SIGLEC14: variants seen among roughly 807,000 people sequenced by gnomAD.
The protein encoded by SIGLEC14 is sialic acid-binding Ig-like lectin 14.
A neutral mutation model predicts 34.2 loss-of-function variants in SIGLEC14; 11 were observed. The ratio of observed to expected loss-of-function variants is 0.32; its 90% CI spans 0.20 to 0.53. The LOEUF (loss-of-function observed/expected upper bound fraction) is 0.53, where lower values mean the gene tolerates loss of function less well. Ranked by LOEUF, SIGLEC14 falls within the 20% of genes least tolerant of loss-of-function variation. The probability of loss-of-function intolerance (pLI) is 0.95; values close to 1 mark genes in which losing one functional copy is unlikely to be tolerated. For missense variants in SIGLEC14, 264 were observed against 439.0 expected (o/e 0.60, Z 3.56); for synonymous variants, 99 against 179.7 (o/e 0.55, Z 3.59).
chr19:51,646,177 C>T (rs1394796138), intron 2 of SIGLEC14, 80 bp downstream of exon 2: 16 of 1,208,550 alleles, frequency 1.3e-5, no homozygotes, highest in Non-Finnish European at 1.8e-5. Context: ...CTCCTCCAGC[C>T]GCCCCTGCCC....
rs1984011779 is a variant in SIGLEC14, at chr19:51,645,466, G to C, written c.754+11C>G. ...CCATCACAGCCCCAGAGGGAAGAGG[G>C]TCTTTCCTACCTGTGCCTGTGCCAT... On this transcript the variant is annotated intron_variant, in intron 4 of 6. Transcript: ENST00000360844. 2 of 1,526,434 alleles carry C rather than the reference G, an allele frequency of 1.3e-6. 1 individual carries two copies. Among genetic ancestry groups the C allele is most frequent in the Admixed American group, 3.5e-5 (2 of 57,876 alleles). The allele number at this position is 1,526,434 out of a possible 1,614,324, so 94.6% of individuals were successfully genotyped here. A position where few individuals can be genotyped will look rare whatever the true frequency, so the allele number is the denominator to read the frequency against.
At position 51,642,449 on chromosome 19, in the gene SIGLEC14, T is replaced by C. The variant is rs1315741681; in HGVS notation, c.*906A>G. ...CTGGGAGGCAGAAGTTGCAGTGAGC[T>C]GAGATTTTGCCATTGCACTCCAGCC... is the stretch of plus-strand genomic sequence containing the variant. On this transcript the variant is annotated 3_prime_UTR_variant, in exon 7 of 7. Transcript: ENST00000360844. The C allele has an allele frequency of 7.4e-6, 1 of 135,970 alleles. No individual in the cohort carries two copies. The highest frequency in any genetic ancestry group is 1.6e-5 in the Non-Finnish European group (1 of 64,222). The allele number at this position is 135,970 out of a possible 1,614,324, so 8.4% of individuals were successfully genotyped here.
Position 51,646,303 on chromosome 19 carries a change from A to G in SIGLEC14, c.375T>C (p.Asp125=), listed in dbSNP as rs1233286194. Residue 125 remains aspartate (D), a synonymous_variant, in exon 2 of 7, where the codon GAT becomes GAC. Coordinates refer to ENST00000360844, the MANE Select transcript of SIGLEC14 (RefSeq NM_001098612.3). The part of the protein sequence containing the change: ...SYFFRVERGR[D]VKYSYQQNKL... ...TATTCTGTTGGTAGCTATATTTTACATCCCTTCCTCTCTCCACGCGGAAGA... is the reference window on the plus strand; with the variant it reads ...TATTCTGTTGGTAGCTATATTTTACGTCCCTTCCTCTCTCCACGCGGAAGA... 2.9e-6 allele frequency: 4 copies of G among 1,391,056 alleles called. No individual in the cohort carries two copies. The highest frequency in any genetic ancestry group is 9.5e-7 in the Non-Finnish European group (1 of 1,053,156). The allele number at this position is 1,391,056 out of a possible 1,614,324, so 86.2% of individuals were successfully genotyped here.
In SIGLEC14 at chr19:51,646,244, G is replaced by A. The variant is rs1438390435; in HGVS notation, c.421+13C>T. On this transcript the variant is annotated intron_variant, in intron 2 of 6. Coordinates refer to ENST00000360844, the MANE Select transcript of SIGLEC14 (RefSeq NM_001098612.3). ...CCACGTCCCAGGGTCCTCTCCTAGG[G>A]TTCCTGCCATACCTGTCACCTCCAA... 4 of 1,418,380 alleles carry A rather than the reference G, an allele frequency of 2.8e-6. 1 individual carries two copies. In the African/African-American group the frequency reaches 5.4e-5, roughly 19 times the overall value. The allele number at this position is 1,418,380 out of a possible 1,614,324, so 87.9% of individuals were successfully genotyped here.
chr19:51,640,113 AG>A lies in SIGLEC14; in HGVS notation c.*3241del, dbSNP rs1378626630. Among the ~76,000 whole-genome samples, 1 of 139,542 alleles carries A rather than the reference AG, an allele frequency of 7.2e-6. No individual in the cohort carries two copies. The highest frequency in any genetic ancestry group is 2.7e-5 in the African/African-American group (1 of 36,788). The allele number at this position is 139,542 out of a possible 152,430, so 91.5% of individuals were successfully genotyped here. Reference sequence around the variant, plus strand: ...TTGGAAAATTATCCTTCAAAACGAAAGAGAAGGAGTCGTGCTTTTATTATGA... The same window carrying A: ...TTGGAAAATTATCCTTCAAAACGAAAAGAAGGAGTCGTGCTTTTATTATGA... On this transcript the variant is annotated 3_prime_UTR_variant, in exon 7 of 7. Coordinates refer to ENST00000360844, the MANE Select transcript of SIGLEC14 (RefSeq NM_001098612.3).
At position 51,643,547 on chromosome 19, in the gene SIGLEC14, A is replaced by G. The variant is rs200251231; in HGVS notation, c.1138T>C (p.Tyr380His). The change falls in exon 6 of 7, where the codon TAC (tyrosine) becomes CAC (histidine). Residue 380 changes from tyrosine (Y) to histidine (H), a missense_variant. By Grantham distance (83) the Tyr-to-His change is moderately conservative. This residue lies in a region of SIGLEC14 where 149 missense variants were observed against 184.4 expected (regional missense o/e 0.81). Transcript: ENST00000360844. ...GGCAGTCCGGCTCACCTGGTATAGTAGATCCAGGTGAGGCCATAGGTGAGG... is the reference window on the plus strand; with the variant it reads ...GGCAGTCCGGCTCACCTGGTATAGTGGATCCAGGTGAGGCCATAGGTGAGG... ...FLLTYGLTWI[Y>H]YTRCGGPQQS... 5.5e-4 allele frequency: 839 copies of G among 1,520,646 alleles called. 130 individuals are homozygous for G. Among genetic ancestry groups the G allele is most frequent in the Non-Finnish European group, 6.8e-4 (769 of 1,136,142 alleles). 94.2% of individuals were successfully genotyped at this position (1,520,646 alleles called of 1,614,324 possible). A position where few individuals can be genotyped will look rare whatever the true frequency, so the allele number is the denominator to read the frequency against.
At position 51,642,240 on chromosome 19, in the gene SIGLEC14, C is replaced by A. The variant is rs578013076; in HGVS notation, c.*1115G>T. ...TGTACGATATTAAAAGCAAAAAAAACCCCACCAAAACTGAGAATGAGCTAT... is the reference window on the plus strand; with the variant it reads ...TGTACGATATTAAAAGCAAAAAAAAACCCACCAAAACTGAGAATGAGCTAT... On this transcript the variant is annotated 3_prime_UTR_variant, in exon 7 of 7. Transcript: ENST00000360844. Among the ~76,000 whole-genome samples, 32 of 138,712 alleles carry A rather than the reference C, an allele frequency of 2.3e-4. 7 individuals are homozygous for A. Among genetic ancestry groups the A allele is most frequent in the African/African-American group, 3.6e-4 (13 of 36,556 alleles). The allele number at this position is 138,712 out of a possible 152,430, so 91.0% of individuals were successfully genotyped here.
In SIGLEC14 at chr19:51,645,187, A is replaced by G; in HGVS notation, c.754+290T>C. ...TTGCAACAATGTGAACACATTTAACACTGCTGAACTGTACTCTTTAAAATG... is the reference window on the plus strand; with the variant it reads ...TTGCAACAATGTGAACACATTTAACGCTGCTGAACTGTACTCTTTAAAATG... On this transcript the variant is annotated intron_variant, in intron 4 of 6. Transcript: ENST00000360844. 1.4e-5 allele frequency among the ~76,000 whole-genome samples: 2 copies of G among 139,604 alleles called. 1 individual carries two copies. The highest frequency in any genetic ancestry group is 3.1e-5 in the Non-Finnish European group (2 of 65,092). The allele number at this position is 139,604 out of a possible 152,430, so 91.6% of individuals were successfully genotyped here.
intron 6 of SIGLEC14, 54 bp downstream of exon 6, chr19:51,643,483 G>GGGGGGGGGGGGGGCCCCCCCCCCCCCC: frequency 2.3e-6 from 3 of 1,297,884 alleles, no homozygotes; most frequent in East Asian, 5.4e-5. Flanking sequence ...GGGCAGGACA[G>GGGGGGGGGGGGGGCCCCCCCCCCCCCC]CTCAGCCCCA....
Position 51,645,482 on chromosome 19 carries a change from C to T in SIGLEC14, c.749G>A (p.Gly250Asp). Reference protein sequence around the residue: ...AISIFFRNGTGTALRILSNGM... With the variant: ...AISIFFRNGTDTALRILSNGM... ...GGGAAGAGGGTCTTTCCTACCTGTG[C>T]CTGTGCCATTTCTGAAGAAGATGCT... is the stretch of plus-strand genomic sequence containing the variant. The change falls in exon 4 of 7, where the codon GGC becomes GAC. Residue 250 changes from glycine to aspartate, a missense_variant. By Grantham distance (94) the Gly-to-Asp change is moderately conservative. Around this residue, in one of 5 missense-constraint regions of SIGLEC14, gnomAD observed 149 missense variants for 184.4 expected, o/e 0.81. Coordinates refer to ENST00000360844, the MANE Select transcript of SIGLEC14 (RefSeq NM_001098612.3). The T allele has an allele frequency of 6.5e-7, 1 of 1,530,664 alleles. No homozygotes were observed. The highest frequency in any genetic ancestry group is 1.5e-5 in the African/African-American group (1 of 66,918). 94.8% of individuals were successfully genotyped at this position (1,530,664 alleles called of 1,614,324 possible).
At chr19:51,644,084 T>C in intron 4 of SIGLEC14, 48 bp from the exon 5 acceptor site, 1 of 1,428,916 alleles carries the variant, frequency 7.0e-7, no homozygotes, top group South Asian at 1.5e-5. Flanking sequence ...GAGGCCCAAT[T>C]CTCCCTCATT....
In SIGLEC14 at chr19:51,644,133, G is replaced by T. The variant is rs1208432693; in HGVS notation, c.755-97C>A. 10 of 1,295,028 alleles carry T rather than the reference G, an allele frequency of 7.7e-6. 2 individuals are homozygous for T. The highest frequency in any genetic ancestry group is 1.0e-5 in the Non-Finnish European group (10 of 985,878). The allele number at this position is 1,295,028 out of a possible 1,614,324, so 80.2% of individuals were successfully genotyped here. On this transcript the variant is annotated intron_variant, in intron 4 of 6. Transcript: ENST00000360844. ...TGCAAGAAGAAAGACAAGACTGTGT[G>T]GTGAGTGCTGAGAATGGGCTAGTCA...
Position 51,643,520 on chromosome 19 carries a change from C to T in SIGLEC14, c.1148+17G>A, listed in dbSNP as rs2122123090. 2 of 1,488,336 alleles carry T rather than the reference C, an allele frequency of 1.3e-6. 1 individual carries two copies. The highest frequency in any genetic ancestry group is 1.8e-6 in the Non-Finnish European group (2 of 1,119,432). The allele number at this position is 1,488,336 out of a possible 1,614,324, so 92.2% of individuals were successfully genotyped here. A position where few individuals can be genotyped will look rare whatever the true frequency, so the allele number is the denominator to read the frequency against. On this transcript the variant is annotated intron_variant, in intron 6 of 6. Transcript: ENST00000360844. ...CTGGAACTCAGGAGCTTCCTGGAGA[C>T]AGGCAGTCCGGCTCACCTGGTATAG...
chr19:51,639,598 G>C lies in SIGLEC14; in HGVS notation c.*3757C>G, dbSNP rs1040184021. On this transcript the variant is annotated 3_prime_UTR_variant, in exon 7 of 7. Transcript: ENST00000360844. The stretch of plus-strand genomic sequence containing the variant: ...TTTGCTTCCCAGATAGTATCTTTTC[G>C]TGGTATCCTCACATGGCAGAAGAGG... 7.2e-6 allele frequency: 1 copy of C among 139,150 alleles called. No individual in the cohort carries two copies. The allele number at this position is 139,150 out of a possible 1,614,324, so 8.6% of individuals were successfully genotyped here.
chr19:51,643,787 G>A lies in SIGLEC14; in HGVS notation c.1004C>T (p.Ser335Phe). ...LGSQHLSFIL[S>F]VQRSSSSCIC... Reference sequence around the variant, plus strand: ...CCTGTCCTGCAACTCACTCTGCACAGAAAGGATGAAGGACAGGTGCTGGGA... The same window carrying A: ...CCTGTCCTGCAACTCACTCTGCACAAAAAGGATGAAGGACAGGTGCTGGGA... The change falls in exon 5 of 7, where the codon TCT becomes TTT. Residue 335 changes from serine to phenylalanine, a missense_variant. Transcript: ENST00000360844. 1.3e-6 allele frequency: 2 copies of A among 1,519,468 alleles called. No individual in the cohort carries two copies. Among genetic ancestry groups the A allele is most frequent in the Non-Finnish European group, 1.8e-6 (2 of 1,132,792 alleles). The allele number at this position is 1,519,468 out of a possible 1,614,324, so 94.1% of individuals were successfully genotyped here.
In SIGLEC14 at chr19:51,644,042, A is replaced by G. The variant is rs1983976175; in HGVS notation, c.755-6T>C. ...ATTGCTCAGGATCCGCAGGGCTGGGAAAGAGAAGCACAGCCAGGTGAGTGG... is the reference window on the plus strand; with the variant it reads ...ATTGCTCAGGATCCGCAGGGCTGGGGAAGAGAAGCACAGCCAGGTGAGTGG... On this transcript the variant is annotated splice_polypyrimidine_tract_variant and splice_region_variant and intron_variant, in intron 4 of 6. Coordinates refer to ENST00000360844, the MANE Select transcript of SIGLEC14 (RefSeq NM_001098612.3). 1.3e-6 allele frequency: 2 copies of G among 1,497,736 alleles called. 1 individual carries two copies. The highest frequency in any genetic ancestry group is 1.8e-6 in the Non-Finnish European group (2 of 1,122,050). 92.8% of individuals were successfully genotyped at this position (1,497,736 alleles called of 1,614,324 possible).
At position 51,641,865 on chromosome 19, in the gene SIGLEC14, C is replaced by A. The variant is rs1983912899; in HGVS notation, c.*1490G>T. 7.2e-6 allele frequency among the ~76,000 whole-genome samples: 1 copy of A among 138,202 alleles called. No homozygotes were observed. Among genetic ancestry groups the A allele is most frequent in the Admixed American group, 6.9e-5 (1 of 14,408 alleles). The allele number at this position is 138,202 out of a possible 152,430, so 90.7% of individuals were successfully genotyped here. ...TACTAGGCTTAATATCTGGGTGATG[C>A]AATAATCTGTACAACAAACTCCCAT... On this transcript the variant is annotated 3_prime_UTR_variant, in exon 7 of 7. Transcript: ENST00000360844.
rs779564751 is a variant in SIGLEC14 at position 51,643,400 on chromosome 19, G to T, written c.1149-3C>A. On this transcript the variant is annotated splice_polypyrimidine_tract_variant and splice_region_variant and intron_variant, in intron 6 of 6. Coordinates refer to ENST00000360844, the MANE Select transcript of SIGLEC14 (RefSeq NM_001098612.3). ...TGCTCTGCTGGGGGCCTCCACACCT[G>T]CAGAGCCAACATGGGCCTCAGATCA... 6.6e-7 allele frequency: 1 copy of T among 1,509,516 alleles called. No homozygotes were observed. The highest frequency in any genetic ancestry group is 8.8e-7 in the Non-Finnish European group (1 of 1,131,456). The allele number at this position is 1,509,516 out of a possible 1,614,324, so 93.5% of individuals were successfully genotyped here. A position where few individuals can be genotyped will look rare whatever the true frequency, so the allele number is the denominator to read the frequency against.
At chr19:51,645,584 G>T in intron 3 of SIGLEC14, 54 bp from the exon 4 acceptor site, 1 of 1,496,410 alleles carries the variant, frequency 6.7e-7, no homozygotes, top group Non-Finnish European at 9.0e-7. Flanking sequence ...GGATGGGCGT[G>T]GTCCCGGGAG....
Sources: gnomAD v4.1 joint callset for allele counts (sites outside exome capture counted in the v4.1 genomes callset) on GRCh38, gnomAD v4.1.1 for gene constraint, gnomAD v4.1.1 regional missense constraint, MANE v1.5 for transcripts, NCBI Gene and HGNC (gene_info 2026-07-23, HGNC 2026-07-21) for gene names.